HTR4: variants seen among roughly 807,000 people sequenced by gnomAD.
HTR4 encodes 5-hydroxytryptamine receptor 4.
A neutral mutation model predicts 36.8 loss-of-function variants in HTR4; 16 were observed. The ratio of observed to expected loss-of-function variants is 0.43; its 90% CI spans 0.29 to 0.66. The LOEUF (loss-of-function observed/expected upper bound fraction) is 0.66, where lower values mean the gene tolerates loss of function less well. HTR4 is among the 30% of genes least tolerant of loss of function. The probability of loss-of-function intolerance (pLI) is 0.13; values close to 1 mark genes in which losing one functional copy is unlikely to be tolerated. For synonymous variants in HTR4, 189 were observed against 185.1 expected (o/e 1.02, Z -0.17); for missense variants, 438 against 490.9 (o/e 0.89, Z 1.02).
intron 1 of HTR4, among the ~76,000 whole-genome samples, chr5:148,642,702 A>G (rs1031087586): frequency 6.6e-6 from 1 of 152,190 alleles, no homozygotes; most frequent in Non-Finnish European, 1.5e-5. Flanking sequence ...TTATCGAATC[A>G]TCTGAAAACT....
In HTR4 at chr5:148,576,119, A is replaced by AAAAAAAAAAC. The variant is rs1561629160; in HGVS notation, c.27-25858_27-25857insGTTTTTTTTT. Among the ~76,000 whole-genome samples the AAAAAAAAAAC allele has an allele frequency of 4.2e-4, 57 of 135,638 alleles. 1 individual carries two copies. Among genetic ancestry groups the AAAAAAAAAAC allele is most frequent in the Middle Eastern group, 4.5e-3 (1 of 224 alleles). 89.0% of individuals were successfully genotyped at this position (135,638 alleles called of 152,430 possible). ...GAGCGAGACTCCGTCTCAAAAAAAAAAAAAAAAAAAAAAACAAAATCAATG... is the reference window on the plus strand; with the variant it reads ...GAGCGAGACTCCGTCTCAAAAAAAAAAAAAAAAAACAAAAAAAAAAAAAACAAAATCAATG... On this transcript the variant is annotated intron_variant, in intron 2 of 6. Coordinates refer to ENST00000377888, the MANE Select transcript of HTR4 (RefSeq NM_000870.7).
intron 5 of HTR4, among the ~76,000 whole-genome samples, chr5:148,451,470 T>C (rs1297950093): frequency 6.6e-6 from 1 of 152,042 alleles, no homozygotes; most frequent in African/African-American, 2.4e-5. Context: ...ATATTAAATG[T>C]GGAGAAACAG....
intron 5 of HTR4, among the ~76,000 whole-genome samples, chr5:148,516,662 T>A (rs1217590786): frequency 6.7e-6 from 1 of 149,898 alleles, no homozygotes; most frequent in Non-Finnish European, 1.5e-5. Context: ...ATCTAATTAC[T>A]CCATTATCTA....
At chr5:148,613,157 G>C (rs1023095283) in intron 2 of HTR4, among the ~76,000 whole-genome samples, 1 of 151,104 alleles carries the variant, frequency 6.6e-6, no homozygotes, top group Non-Finnish European at 1.5e-5. Flanking sequence ...AGAAAAAGAA[G>C]GAATCCTCCC....
At chr5:148,633,933 T>C (rs940945184) in intron 2 of HTR4, among the ~76,000 whole-genome samples, 1 of 152,130 alleles carries the variant, frequency 6.6e-6, no homozygotes, top group Non-Finnish European at 1.5e-5. Context: ...CCAAATTACC[T>C]TTGATTATGT....
At chr5:148,613,781 C>T (rs886705132) in intron 2 of HTR4, among the ~76,000 whole-genome samples, 1 of 148,816 alleles carries the variant, frequency 6.7e-6, no homozygotes, top group Non-Finnish European at 1.5e-5. Flanking sequence ...TCTAGAAAAC[C>T]CCATTGTCTC....
At chr5:148,621,618 T>C (rs1267700913) in intron 2 of HTR4, among the ~76,000 whole-genome samples, 1 of 152,234 alleles carries the variant, frequency 6.6e-6, no homozygotes. Flanking sequence ...TTCTCACTGT[T>C]GCTGAAGCCA....
chr5:148,624,842 A>G (rs1282621957), intron 2 of HTR4, among the ~76,000 whole-genome samples: 1 of 152,218 alleles, frequency 6.6e-6, no homozygotes, highest in Non-Finnish European at 1.5e-5. Context: ...AAGAGTTAAA[A>G]AATAAAATAA....
intron 5 of HTR4, among the ~76,000 whole-genome samples, chr5:148,463,449 G>C (rs1424443394): frequency 1.3e-5 from 2 of 151,624 alleles, no homozygotes; most frequent in East Asian, 3.9e-4. Context: ...CAAGGTGATG[G>C]GATTACAGGC....
chr5:148,620,988 C>T (rs530899355), intron 2 of HTR4, among the ~76,000 whole-genome samples: 8 of 152,270 alleles, frequency 5.3e-5, no homozygotes, highest in Admixed American at 4.6e-4. Flanking sequence ...CACGTGTACA[C>T]CCCATTCATC....
intron 6 of HTR4, among the ~76,000 whole-genome samples, chr5:148,508,430 T>C (rs1757325929): frequency 6.6e-6 from 1 of 152,160 alleles, no homozygotes; most frequent in Non-Finnish European, 1.5e-5. Context: ...ACACTGAACA[T>C]TTAACTCCAA....
intron 6 of HTR4, among the ~76,000 whole-genome samples, chr5:148,483,723 T>C (rs1271862669): frequency 6.6e-6 from 1 of 152,222 alleles, no homozygotes; most frequent in East Asian, 1.9e-4. Context: ...ACTAGGAAAG[T>C]GCACAAATTT....
intron 2 of HTR4, among the ~76,000 whole-genome samples, chr5:148,590,760 C>G (rs1329634137): frequency 6.6e-6 from 1 of 151,654 alleles, no homozygotes; most frequent in Admixed American, 6.6e-5. Context: ...AATATTTTCT[C>G]CCATTCTCCC....
At chr5:148,648,348 A>T (rs1210300097) in intron 1 of HTR4, among the ~76,000 whole-genome samples, 5 of 152,190 alleles carry the variant, frequency 3.3e-5, no homozygotes, top group African/African-American at 1.2e-4. Context: ...GATGTGACAA[A>T]CATGAGCAGA....
At chr5:148,613,693 G>A (rs1272223819) in intron 2 of HTR4, among the ~76,000 whole-genome samples, 2 of 148,418 alleles carry the variant, frequency 1.3e-5, no homozygotes, top group African/African-American at 5.0e-5. Context: ...CAATTAGGCA[G>A]GAGAAGGAAA....
chr5:148,480,629 C>T (rs1490108331), downstream of HTR4, among the ~76,000 whole-genome samples: 1 of 152,166 alleles, frequency 6.6e-6, no homozygotes, highest in Non-Finnish European at 1.5e-5. Flanking sequence ...CCACCTGGGC[C>T]TCCCAAAGTG....
At chr5:148,596,823 C>G (rs949962892) in intron 2 of HTR4, among the ~76,000 whole-genome samples, 2 of 152,154 alleles carry the variant, frequency 1.3e-5, no homozygotes, top group African/African-American at 4.8e-5. Flanking sequence ...TGAACATTGA[C>G]TCTATGAAAA....
At chr5:148,555,215 C>T (rs1257102964) in intron 2 of HTR4, among the ~76,000 whole-genome samples, 1 of 151,994 alleles carries the variant, frequency 6.6e-6, no homozygotes, top group Non-Finnish European at 1.5e-5. Flanking sequence ...AACATGAATT[C>T]TCCATCAACA....
chr5:148,598,178 G>A (rs543780213), intron 2 of HTR4, among the ~76,000 whole-genome samples: 267 of 152,090 alleles, frequency 1.8e-3, no homozygotes, highest in Non-Finnish European at 2.2e-3. Context: ...ATGAGGAGGA[G>A]CTGAGGGAAG....
Sources: gnomAD v4.1 joint callset for allele counts (sites outside exome capture counted in the v4.1 genomes callset) on GRCh38, gnomAD v4.1.1 for gene constraint, MANE v1.5 for transcripts, NCBI Gene and HGNC (gene_info 2026-07-23, HGNC 2026-07-21) for gene names.